The following MALRD1 variants were observed in gnomAD, a reference collection of about 807,000 sequenced individuals.
MALRD1 encodes MAM and LDL-receptor class A domain-containing protein 1.
MALRD1 carries 247 observed loss-of-function variants against 242.1 expected under a neutral mutation model. The ratio of observed to expected loss-of-function variants is 1.02; its 90% CI spans 0.92 to 1.13. The LOEUF is 1.13. Among genes scored for constraint, MALRD1 ranks in the 50% most tolerant of loss-of-function variants. The pLI, the probability that MALRD1 is intolerant of heterozygous loss-of-function variation, is 0.00. For synonymous variants in MALRD1, 995 were observed against 866.6 expected, an observed-to-expected ratio of 1.15 and a Z score of -2.60; for missense variants, 2,989 against 2,533.1, an observed-to-expected ratio of 1.18 and a Z score of -3.86.
At chr10:19,223,683 G>A (rs1837658771) in intron 18 of MALRD1, among the ~76,000 whole-genome samples, 1 of 152,076 alleles carries the variant, frequency 6.6e-6, no homozygotes, top group South Asian at 2.1e-4. Context: ...TTCTCCTAAT[G>A]CTATCCCTCC....
At chr10:19,719,235 T>TACATACATAC (rs745328536) in intron 38 of MALRD1, among the ~76,000 whole-genome samples, 32,584 of 116,072 alleles carry the variant, frequency 0.28, 7,464 homozygotes, top group South Asian at 0.37. Context: ...TATATATATA[T>TACATACATAC]ATATATATAT....
intron 18 of MALRD1, among the ~76,000 whole-genome samples, chr10:19,217,828 A>G (rs1425135563): frequency 1.3e-5 from 2 of 152,162 alleles, no homozygotes; most frequent in East Asian, 3.9e-4. Context: ...CCAATCAATC[A>G]TGCGGTCTTT....
At chr10:19,298,088 CAAG>C (rs1469772809) in intron 21 of MALRD1, among the ~76,000 whole-genome samples, 2 of 151,886 alleles carry the variant, frequency 1.3e-5, no homozygotes, top group African/African-American at 4.8e-5. Context: ...GCAGACTGCA[CAAG>C]AAGCATGGTG....
chr10:19,107,153 G>T (rs1836491953), intron 5 of MALRD1, among the ~76,000 whole-genome samples: 1 of 151,900 alleles, frequency 6.6e-6, no homozygotes, highest in South Asian at 2.1e-4. Flanking sequence ...ATTTGATCTA[G>T]AGTTCGGTTT....
chr10:19,142,951 A>G lies in MALRD1; in HGVS notation c.1412-3247A>G, dbSNP rs931490750. On this transcript the variant is annotated intron_variant, in intron 10 of 39. Coordinates refer to ENST00000454679, the MANE Select transcript of MALRD1 (RefSeq NM_001142308.3). Reference sequence around the variant, plus strand: ...TGAAGTTCTTGAACTTTTAGCTTTAAAAAATATTCTTTTACGTGTACAGGA... The same window carrying G: ...TGAAGTTCTTGAACTTTTAGCTTTAGAAAATATTCTTTTACGTGTACAGGA... Among the ~76,000 whole-genome samples the G allele has an allele frequency of 1.3e-5, 2 of 152,222 alleles. 1 individual carries two copies. Among genetic ancestry groups the G allele is most frequent in the South Asian group, 4.1e-4 (2 of 4,832 alleles).
intron 28 of MALRD1, among the ~76,000 whole-genome samples, chr10:19,412,395 G>GA (rs1021388919): frequency 2.0e-5 from 3 of 152,146 alleles, no homozygotes; most frequent in African/African-American, 7.2e-5. Flanking sequence ...AGGGGTACTG[G>GA]AAAAACCCCA....
upstream of MALRD1, among the ~76,000 whole-genome samples, chr10:19,048,157 A>G (rs1003545051): frequency 3.3e-5 from 5 of 152,194 alleles, no homozygotes; most frequent in African/African-American, 1.2e-4. Flanking sequence ...GCTATAGAAG[A>G]GGGAACACTG....
At chr10:19,374,406 T>C (rs367565321) in intron 26 of MALRD1, among the ~76,000 whole-genome samples, 14 of 152,354 alleles carry the variant, frequency 9.2e-5, no homozygotes, top group East Asian at 5.8e-4. Flanking sequence ...AATCTGATGG[T>C]TGATATAAAG....
intron 2 of MALRD1, among the ~76,000 whole-genome samples, chr10:19,082,566 T>C (rs1466562897): frequency 6.6e-6 from 1 of 152,018 alleles, no homozygotes; most frequent in Non-Finnish European, 1.5e-5. Context: ...CTAATAAGTC[T>C]GGTCTTTCTC....
intron 28 of MALRD1, among the ~76,000 whole-genome samples, chr10:19,398,880 G>A (rs1277176633): frequency 6.6e-6 from 1 of 152,184 alleles, no homozygotes; most frequent in African/African-American, 2.4e-5. Flanking sequence ...AGCAGACTAA[G>A]TATAAATAGG....
chr10:19,137,278 G>A (rs1310633201), intron 10 of MALRD1, among the ~76,000 whole-genome samples: 3 of 151,940 alleles, frequency 2.0e-5, no homozygotes, highest in Non-Finnish European at 1.5e-5. Context: ...GGCTGCCCTG[G>A]AGGAAGGGCC....
chr10:19,144,313 A>G (rs1048971945), intron 10 of MALRD1, among the ~76,000 whole-genome samples: 3 of 152,214 alleles, frequency 2.0e-5, no homozygotes, highest in African/African-American at 4.8e-5. Context: ...TTTTTGAACC[A>G]CTATTGGTTG....
chr10:19,487,570 T>G (rs916077142), intron 29 of MALRD1, among the ~76,000 whole-genome samples: 2 of 151,068 alleles, frequency 1.3e-5, no homozygotes, highest in African/African-American at 4.9e-5. Flanking sequence ...TAGAGTGACA[T>G]CAAAGCACAT....
At chr10:19,435,217 A>G (rs1237933622) in intron 28 of MALRD1, among the ~76,000 whole-genome samples, 1 of 151,770 alleles carries the variant, frequency 6.6e-6, no homozygotes, top group Non-Finnish European at 1.5e-5. Context: ...TAACTGCCTT[A>G]TTTTAGAACA....
intron 19 of MALRD1, among the ~76,000 whole-genome samples, chr10:19,272,249 G>A (rs72796443): frequency 0.087 from 13,158 of 151,944 alleles, 644 homozygotes; most frequent in Middle Eastern, 0.12. Context: ...AGTAGTGATT[G>A]ATAAATTAAA....
chr10:19,498,178 C>A (rs1470146914), intron 30 of MALRD1, among the ~76,000 whole-genome samples: 1 of 152,122 alleles, frequency 6.6e-6, no homozygotes, highest in Non-Finnish European at 1.5e-5. Flanking sequence ...ATTTATTTGA[C>A]CTGAATAATC....
intron 29 of MALRD1, chr10:19,491,112 A>G (rs1219003918): frequency 3.1e-5 from 11 of 353,300 alleles, no homozygotes; most frequent in South Asian, 2.5e-4. Context: ...TTTGCTATAG[A>G]CTCAGATCAC....
chr10:19,621,280 T>A (rs76802844), intron 36 of MALRD1, among the ~76,000 whole-genome samples: 2,003 of 148,806 alleles, frequency 0.013, 33 homozygotes, highest in East Asian at 0.059. Context: ...AAACATATAA[T>A]TGGGGATATT....
chr10:19,700,691 A>T (rs1467352633), intron 38 of MALRD1, among the ~76,000 whole-genome samples: 1 of 151,944 alleles, frequency 6.6e-6, no homozygotes, highest in Non-Finnish European at 1.5e-5. Flanking sequence ...TTTCCTTCAT[A>T]CCTTCTCTTC....
Sources: gnomAD v4.1 joint callset for allele counts (sites outside exome capture counted in the v4.1 genomes callset) on GRCh38, gnomAD v4.1.1 for gene constraint, MANE v1.5 for transcripts, NCBI Gene and HGNC (gene_info 2026-07-23, HGNC 2026-07-21) for gene names.